The following EXOC2 variants were observed in gnomAD, a reference collection of about 807,000 sequenced individuals.
EXOC2 encodes the protein exocyst complex component 2.
EXOC2 carries 70 observed loss-of-function variants against 131.8 expected under a neutral mutation model. That is an observed-to-expected ratio of 0.53 (90% CI 0.44 to 0.65). The LOEUF is 0.65. EXOC2 is among the 30% of genes least tolerant of loss of function. The probability of loss-of-function intolerance (pLI) is 0.00; values close to 1 mark genes in which losing one functional copy is unlikely to be tolerated. For missense variants in EXOC2, 923 were observed against 1,108.6 expected, an observed-to-expected ratio of 0.83 and a Z score of 2.38; for synonymous variants, 411 against 398.4, an observed-to-expected ratio of 1.03 and a Z score of -0.38.
chr6:510,071 CTG>C, intron 23 of EXOC2, among the ~76,000 whole-genome samples: 1 of 151,964 alleles, frequency 6.6e-6, no homozygotes, highest in East Asian at 1.9e-4. Flanking sequence ...CAATTACACT[CTG>C]AACACACATT....
intron 13 of EXOC2, among the ~76,000 whole-genome samples, chr6:566,544 GCTTT>G (rs1380257107): frequency 6.6e-6 from 1 of 152,218 alleles, no homozygotes; most frequent in East Asian, 1.9e-4. Flanking sequence ...CTGTTCAGCT[GCTTT>G]CTGTCTGCCC....
chr6:576,112 C>A (rs1758563290), intron 12 of EXOC2, among the ~76,000 whole-genome samples: 1 of 152,132 alleles, frequency 6.6e-6, no homozygotes, highest in Non-Finnish European at 1.5e-5. Context: ...GAATTTAATA[C>A]AATGTAAGGT....
chr6:581,563 T>C (rs1400001796), intron 11 of EXOC2, among the ~76,000 whole-genome samples: 1 of 152,086 alleles, frequency 6.6e-6, no homozygotes, highest in Non-Finnish European at 1.5e-5. Flanking sequence ...ATTGCAAAAT[T>C]CTATGTGATA....
At chr6:559,547 G>A (rs1272934326) in intron 17 of EXOC2, among the ~76,000 whole-genome samples, 4 of 152,172 alleles carry the variant, frequency 2.6e-5, no homozygotes, top group Non-Finnish European at 5.9e-5. Context: ...TTCGCAAGGT[G>A]CACTGGGGGT....
intron 8 of EXOC2, 54 bp downstream of exon 8, chr6:599,026 T>C (rs1179127120): frequency 1.5e-5 from 24 of 1,568,132 alleles, no homozygotes; most frequent in Non-Finnish European, 2.1e-5. Flanking sequence ...TTAAAAAATC[T>C]TAAAAATGTA....
In EXOC2 at chr6:549,246, G is replaced by A. The variant is rs373080488; in HGVS notation, c.2167C>T (p.Arg723Cys). Residue 723 changes from arginine (R) to cysteine (C), a missense_variant, in exon 22 of 28, where the codon CGT becomes TGT. Arg to Cys is a radical substitution (Grantham distance 180). Transcript: ENST00000230449. The part of the protein sequence containing the change: ...IVLSNCCYLE[R>C]HTFLNIAEHF... ...TCTGCGATATTTAGGAAGGTGTGAC[G>A]TTCTAGATAGCAGCAATTACTTAGG... 1.1e-5 allele frequency: 18 copies of A among 1,614,060 alleles called. No individual in the cohort carries two copies. In the African/African-American group the frequency reaches 1.2e-4, roughly 11 times the overall value.
intron 10 of EXOC2, among the ~76,000 whole-genome samples, chr6:595,649 TAAAG>T (rs1250812098): frequency 1.3e-5 from 2 of 151,984 alleles, no homozygotes; most frequent in East Asian, 3.8e-4. Flanking sequence ...ACCCACAACA[TAAAG>T]AATTTGTACA....
At chr6:557,110 C>A (rs1052006267) in intron 17 of EXOC2, among the ~76,000 whole-genome samples, 5 of 152,136 alleles carry the variant, frequency 3.3e-5, no homozygotes, top group Non-Finnish European at 5.9e-5. Context: ...CATTTCAAGA[C>A]AAGCTAGAAT....
chr6:592,628 T>C (rs374990077), intron 10 of EXOC2, 41 bp from the exon 11 acceptor site: 13 of 1,468,218 alleles, frequency 8.9e-6, no homozygotes, highest in Non-Finnish European at 1.2e-5. Flanking sequence ...AGGGAAATGC[T>C]GGCATATTTT....
At chr6:537,805 T>C (rs767565367) in intron 22 of EXOC2, among the ~76,000 whole-genome samples, 5 of 152,108 alleles carry the variant, frequency 3.3e-5, no homozygotes, top group African/African-American at 4.8e-5. Context: ...AAAAATTAAT[T>C]TGGAGCAAAA....
intron 23 of EXOC2, among the ~76,000 whole-genome samples, chr6:523,467 T>C (rs1765587228): frequency 6.6e-6 from 1 of 152,272 alleles, no homozygotes; most frequent in Non-Finnish European, 1.5e-5. Context: ...TAATATTTGT[T>C]GACTTTATGA....
intron 22 of EXOC2, among the ~76,000 whole-genome samples, chr6:540,089 C>T (rs1766718565): frequency 6.6e-6 from 1 of 152,158 alleles, no homozygotes; most frequent in Admixed American, 6.5e-5. Flanking sequence ...CGAGGGCTTC[C>T]AAGCCACACA....
At chr6:634,271 GAC>G (rs1761995673) in intron 2 of EXOC2, among the ~76,000 whole-genome samples, 2 of 152,166 alleles carry the variant, frequency 1.3e-5, no homozygotes, top group South Asian at 4.1e-4. Context: ...TTTTTTTAGA[GAC>G]ACAGTTTCGT....
intron 21 of EXOC2, among the ~76,000 whole-genome samples, chr6:550,297 T>A (rs568158872): frequency 5.9e-5 from 9 of 152,350 alleles, no homozygotes; most frequent in African/African-American, 2.2e-4. Flanking sequence ...GCTTCCTATT[T>A]TTTTGGATAT....
At chr6:568,019 C>T (rs1358027648) in intron 13 of EXOC2, among the ~76,000 whole-genome samples, 1 of 152,218 alleles carries the variant, frequency 6.6e-6, no homozygotes, top group Non-Finnish European at 1.5e-5. Context: ...GACTGCTTTG[C>T]TTGTTGAATT....
intron 10 of EXOC2, among the ~76,000 whole-genome samples, chr6:595,443 TA>T (rs1561903134): frequency 1.3e-5 from 2 of 152,052 alleles, no homozygotes; most frequent in Non-Finnish European, 2.9e-5. Context: ...GCATCGTAAA[TA>T]AAATAATCAT....
intron 18 of EXOC2, 145 bp from the exon 19 acceptor site, chr6:556,158 C>T: frequency 1.4e-6 from 1 of 739,228 alleles, no homozygotes; most frequent in Admixed American, 2.4e-5. Flanking sequence ...GAAGAGTGGG[C>T]CTACTGGGAG....
In EXOC2 at chr6:640,411, G is replaced by A. The variant is rs6922121; in HGVS notation, c.-43-2550C>T. On this transcript the variant is annotated intron_variant, in intron 1 of 27. Transcript: ENST00000230449. ...ATATGTAAGACAGAGATGGAAGAAA[G>A]ACAAACAAGAAAAAAACACAGAACA... 5.1e-3 allele frequency among the ~76,000 whole-genome samples: 777 copies of A among 152,258 alleles called. 7 individuals carry two copies. Among genetic ancestry groups the A allele is most frequent in the African/African-American group, 0.018 (732 of 41,550 alleles).
At chr6:499,580 T>C in intron 24 of EXOC2, 65 bp downstream of exon 24, 1 of 1,389,822 alleles carries the variant, frequency 7.2e-7, no homozygotes, top group Non-Finnish European at 1.0e-6. Flanking sequence ...TAATCAAATT[T>C]ACATCTTTCT....
Sources: gnomAD v4.1 joint callset for allele counts (sites outside exome capture counted in the v4.1 genomes callset) on GRCh38, gnomAD v4.1.1 for gene constraint, MANE v1.5 for transcripts, NCBI Gene and HGNC (gene_info 2026-07-23, HGNC 2026-07-21) for gene names.